The following ZNF233 variants were observed in gnomAD, a reference collection of about 807,000 sequenced individuals.
ZNF233 encodes zinc finger protein 233.
Under a neutral mutation model 11.6 loss-of-function variants are expected in ZNF233, and 7 were observed. The observed-to-expected ratio is 0.60, with a 90% CI of 0.34 to 1.13. The LOEUF (loss-of-function observed/expected upper bound fraction) is 1.13. ZNF233 is among the 50% of genes most tolerant of loss of function. The pLI, the probability that ZNF233 is intolerant of heterozygous loss-of-function variation, is 0.03. For missense variants in ZNF233, 711 were observed against 785.5 expected, an observed-to-expected ratio of 0.91 and a Z score of 1.13; for synonymous variants, 226 against 268.5, an observed-to-expected ratio of 0.84 and a Z score of 1.55.
At position 44,273,219 on chromosome 19, in the gene ZNF233, T is replaced by G. The variant is rs1206055386; in HGVS notation, c.559T>G (p.Tyr187Asp). The change falls in exon 5 of 5, where the codon TAT becomes GAT. Residue 187 changes from tyrosine to aspartate, a missense_variant. Coordinates refer to ENST00000683810, the MANE Select transcript of ZNF233 (RefSeq NM_001207005.2). ...RTTWDFWRKM[Y>D]LREPQNYQSR... is the part of the protein sequence containing the mutation. Reference sequence around the variant, plus strand: ...CACCTGGGATTTCTGGAGGAAAATGTATCTGAGAGAACCACAGAATTATCA... The same window carrying G: ...CACCTGGGATTTCTGGAGGAAAATGGATCTGAGAGAACCACAGAATTATCA... The G allele has an allele frequency of 6.2e-7, 1 of 1,613,716 alleles. No individual in the cohort carries two copies. The highest frequency in any genetic ancestry group is 2.2e-5 in the East Asian group (1 of 44,870).
At chr19:44,267,292 C>T (rs999934572) in intron 4 of ZNF233, 11 of 403,372 alleles carry the variant, frequency 2.7e-5, no homozygotes, top group African/African-American at 2.3e-4. Flanking sequence ...CTTTGCTTTT[C>T]ACTCAGTTCT....
intron 4 of ZNF233, among the ~76,000 whole-genome samples, chr19:44,268,680 T>C (rs1358436720): frequency 6.6e-6 from 1 of 152,146 alleles, no homozygotes; most frequent in East Asian, 1.9e-4. Context: ...CCCTCACAGA[T>C]CTCCCAACCT....
In ZNF233 at chr19:44,275,113, C is replaced by G; in HGVS notation, c.*440C>G. The G allele has an allele frequency of 2.5e-6, 1 of 398,010 alleles. No individual in the cohort carries two copies. Among genetic ancestry groups the G allele is most frequent in the Non-Finnish European group, 4.4e-6 (1 of 226,026 alleles). 24.7% of individuals were successfully genotyped at this position (398,010 alleles called of 1,614,324 possible). On this transcript the variant is annotated 3_prime_UTR_variant, in exon 5 of 5. Transcript: ENST00000683810. ...TTGTTTACTGCTGCATGATCGTGAC[C>G]TTGAACAAGTACCTAAGAAATAGTG...
intron 2 of ZNF233, among the ~76,000 whole-genome samples, chr19:44,265,366 TACACACACACACACACAC>T (rs67044027): frequency 1.1e-4 from 15 of 133,194 alleles, no homozygotes; most frequent in South Asian, 6.8e-4. Context: ...CATATATATA[TACACACACACACACACAC>T]ACACACACAC....
At chr19:44,271,430 T>C (rs967865578) in intron 4 of ZNF233, among the ~76,000 whole-genome samples, 13 of 152,172 alleles carry the variant, frequency 8.5e-5, no homozygotes, top group Non-Finnish European at 1.6e-4. Flanking sequence ...ATGCAGGTTG[T>C]ACAATGTAAC....
In ZNF233 at chr19:44,274,939, A is replaced by C. The variant is rs533440496; in HGVS notation, c.*266A>C. The C allele has an allele frequency of 1.6e-4, 70 of 439,122 alleles. No homozygotes were observed. Among genetic ancestry groups the C allele is most frequent in the Non-Finnish European group, 2.7e-4 (68 of 249,222 alleles). 27.2% of individuals were successfully genotyped at this position (439,122 alleles called of 1,614,324 possible). A position where few individuals can be genotyped will look rare whatever the true frequency, so the allele number is the denominator to read the frequency against. ...GAGAAACCCTATAAAGAATGATACAATATGTTTCAATCAGAACCTTCACAT... is the reference window on the plus strand; with the variant it reads ...GAGAAACCCTATAAAGAATGATACACTATGTTTCAATCAGAACCTTCACAT... On this transcript the variant is annotated 3_prime_UTR_variant, in exon 5 of 5. Coordinates refer to ENST00000683810, the MANE Select transcript of ZNF233 (RefSeq NM_001207005.2).
chr19:44,272,189 C>T (rs1223106201), intron 4 of ZNF233, among the ~76,000 whole-genome samples: 1 of 150,654 alleles, frequency 6.6e-6, no homozygotes, highest in Non-Finnish European at 1.5e-5. Context: ...GATCGTGCCA[C>T]CACACTCCAG....
chr19:44,263,661 C>T (rs1313178835), intron 1 of ZNF233, among the ~76,000 whole-genome samples: 2 of 152,054 alleles, frequency 1.3e-5, no homozygotes, highest in African/African-American at 2.4e-5. Context: ...TATTATAGGA[C>T]AACAAAGTAG....
At position 44,275,195 on chromosome 19, in the gene ZNF233, T is replaced by C. The variant is rs529870166; in HGVS notation, c.*522T>C. 134 of 340,376 alleles carry C rather than the reference T, an allele frequency of 3.9e-4. No homozygotes were observed. The East Asian group carries it at 5.3e-3, about 13-fold the overall frequency. The allele number at this position is 340,376 out of a possible 1,614,324, so 21.1% of individuals were successfully genotyped here. On this transcript the variant is annotated 3_prime_UTR_variant, in exon 5 of 5. Coordinates refer to ENST00000683810, the MANE Select transcript of ZNF233 (RefSeq NM_001207005.2). Reference sequence around the variant, plus strand: ...AAATCTATCATATATAGGACATATATTTGAATATTTTAGTGAGCTCAGCCC... The same window carrying C: ...AAATCTATCATATATAGGACATATACTTGAATATTTTAGTGAGCTCAGCCC...
In ZNF233 at chr19:44,273,068, A is replaced by T. The variant is rs1385223007; in HGVS notation, c.408A>T (p.Gln136His). ...GCAAGAGGTCCAAGTTGCTAAAACA[A>T]GGTGATTCCCCCTGTCAGGTGTGGA... ...LQGKRSKLLK[Q>H]GDSPCQVWTG... The change falls in exon 5 of 5, where the codon CAA becomes CAT. Residue 136 changes from glutamine (Q) to histidine (H), a missense_variant. Coordinates refer to ENST00000683810, the MANE Select transcript of ZNF233 (RefSeq NM_001207005.2). The T allele has an allele frequency of 6.2e-7, 1 of 1,614,174 alleles. No individual in the cohort carries two copies. The highest frequency in any genetic ancestry group is 8.5e-7 in the Non-Finnish European group (1 of 1,180,024).
At position 44,274,384 on chromosome 19, in the gene ZNF233, G is replaced by A. The variant is rs754134732; in HGVS notation, c.1724G>A (p.Trp575Ter). 1.2e-6 allele frequency: 2 copies of A among 1,608,352 alleles called. No homozygotes were observed. The highest frequency in any genetic ancestry group is 1.7e-5 in the Admixed American group (1 of 59,464). The change falls in exon 5 of 5, where the codon TGG becomes TAG. Residue 575 changes from tryptophan (W) to a stop codon, truncating the protein, a stop_gained. Coordinates refer to ENST00000683810, the MANE Select transcript of ZNF233 (RefSeq NM_001207005.2). LOFTEE classifies it low-confidence loss of function (END_TRUNC). ...KCDVCGKGFS[W>*]SSHLQAHQRV... The stretch of plus-strand genomic sequence containing the variant: ...GATGTGTGTGGGAAAGGCTTCAGTT[G>A]GAGTTCACATCTTCAAGCCCATCAG...
In ZNF233 at chr19:44,264,391, A is replaced by T. The variant is rs1478901925; in HGVS notation, c.15+16A>T. The T allele has an allele frequency of 6.2e-7, 1 of 1,609,658 alleles. No individual in the cohort carries two copies. Among genetic ancestry groups the T allele is most frequent in the Non-Finnish European group, 8.5e-7 (1 of 1,178,450 alleles). On this transcript the variant is annotated intron_variant, in intron 2 of 4. Transcript: ENST00000683810. Reference sequence around the variant, plus strand: ...CAAGTTTCAGGTGAGTTGAGTTTTGATTTTTATCTCTTAAAATGACATCTC... The same window carrying T: ...CAAGTTTCAGGTGAGTTGAGTTTTGTTTTTTATCTCTTAAAATGACATCTC...
rs149477661 is a variant in ZNF233 at position 44,272,997 on chromosome 19, A to C, written c.337A>C (p.Thr113Pro). ...ATGCTGGCAAATATGGGAACAATTT[A>C]CAAGTAAATTAACCAGTAATCAAGA... The part of the protein sequence containing the change: ...LICWQIWEQF[T>P]SKLTSNQDLI... Residue 113 changes from threonine to proline, a missense_variant, in exon 5 of 5, where the codon ACA becomes CCA. By Grantham distance (38) the Thr-to-Pro change is conservative. Transcript: ENST00000683810. 1.9e-6 allele frequency: 3 copies of C among 1,613,968 alleles called. No homozygotes were observed. Among genetic ancestry groups the C allele is most frequent in the East Asian group, 2.2e-5 (1 of 44,870 alleles).
rs2123066826 is a variant in ZNF233, at chr19:44,272,828, ATG to A, written c.239-69_239-68del. On this transcript the variant is annotated intron_variant, in intron 4 of 4. Coordinates refer to ENST00000683810, the MANE Select transcript of ZNF233 (RefSeq NM_001207005.2). ...TTTCCCAATGTGGTCAACCTGTGAA[ATG>A]TTTTTTTATTTCTGAACAAATGTTC... 2.7e-6 allele frequency: 3 copies of A among 1,121,140 alleles called. No individual in the cohort carries two copies. The East Asian group carries it at 7.2e-5, about 27-fold the overall frequency. 69.4% of individuals were successfully genotyped at this position (1,121,140 alleles called of 1,614,324 possible). A position where few individuals can be genotyped will look rare whatever the true frequency, so the allele number is the denominator to read the frequency against.
At chr19:44,270,918 T>C (rs1975221278) in intron 4 of ZNF233, among the ~76,000 whole-genome samples, 1 of 152,134 alleles carries the variant, frequency 6.6e-6, no homozygotes, top group Non-Finnish European at 1.5e-5. Context: ...ATTCTATTGG[T>C]TTCACAGACC....
intron 1 of ZNF233, among the ~76,000 whole-genome samples, chr19:44,260,452 C>CT (rs141897639): frequency 0.036 from 5,557 of 152,262 alleles, 338 homozygotes; most frequent in African/African-American, 0.12. Flanking sequence ...AGGTGCAGCG[C>CT]TACTCGCCCT....
At chr19:44,265,762 T>A (rs1975064848) in intron 2 of ZNF233, among the ~76,000 whole-genome samples, 1 of 152,184 alleles carries the variant, frequency 6.6e-6, no homozygotes, top group Non-Finnish European at 1.5e-5. Context: ...GGCATTTGGG[T>A]TGGTTCCACA....
chr19:44,269,306 T>C (rs1975178429), intron 4 of ZNF233, among the ~76,000 whole-genome samples: 1 of 152,040 alleles, frequency 6.6e-6, no homozygotes, highest in East Asian at 1.9e-4. Flanking sequence ...GTTTTTTTTT[T>C]CTTTTTTTGA....
At chr19:44,263,393 T>C (rs1599871517) in intron 1 of ZNF233, among the ~76,000 whole-genome samples, 1 of 152,328 alleles carries the variant, frequency 6.6e-6, no homozygotes, top group African/African-American at 2.4e-5. Flanking sequence ...CCAAGACTAT[T>C]CGATTTGCTC....
Sources: gnomAD v4.1 joint callset for allele counts (sites outside exome capture counted in the v4.1 genomes callset) on GRCh38, gnomAD v4.1.1 for gene constraint, MANE v1.5 for transcripts, NCBI Gene and HGNC (gene_info 2026-07-23, HGNC 2026-07-21) for gene names.